NKAIN2: variants seen among roughly 807,000 people sequenced by gnomAD.
NKAIN2 encodes the protein sodium/potassium transporting ATPase interacting 2.
A neutral mutation model predicts 32.6 loss-of-function variants in NKAIN2; 14 were observed. The observed-to-expected ratio is 0.43, with a 90% CI of 0.28 to 0.67. The LOEUF (loss-of-function observed/expected upper bound fraction) is 0.67, where lower values mean the gene tolerates loss of function less well. NKAIN2 is among the 30% of genes least tolerant of loss of function. The probability of loss-of-function intolerance (pLI) is 0.17; values close to 1 mark genes in which losing one functional copy is unlikely to be tolerated. For missense variants in NKAIN2, 198 were observed against 258.3 expected (o/e 0.77, Z 1.60); for synonymous variants, 80 against 87.2 (o/e 0.92, Z 0.46).
At chr6:123,823,373 T>C (rs561034361) in intron 1 of NKAIN2, 61 of 152,232 alleles carry the variant, frequency 4.0e-4, no homozygotes, top group African/African-American at 1.4e-3. Flanking sequence ...TGTTGACAGA[T>C]GGGATAGTTT....
At chr6:124,480,190 A>AT (rs1198259763) in intron 3 of NKAIN2, among the ~76,000 whole-genome samples, 3 of 151,694 alleles carry the variant, frequency 2.0e-5, no homozygotes, top group East Asian at 1.9e-4. Context: ...ATTCTTTTTT[A>AT]TTTTTTTATT....
At chr6:123,829,531 C>T (rs998058845) in intron 1 of NKAIN2, among the ~76,000 whole-genome samples, 1 of 152,162 alleles carries the variant, frequency 6.6e-6, no homozygotes, top group African/African-American at 2.4e-5. Context: ...TAATTCTCAA[C>T]TTTACTTTGT....
intron 3 of NKAIN2, among the ~76,000 whole-genome samples, chr6:124,467,711 G>A (rs1776817638): frequency 6.6e-6 from 1 of 151,958 alleles, no homozygotes; most frequent in Non-Finnish European, 1.5e-5. Context: ...AATTATCTGT[G>A]ACAAACAAGT....
intron 3 of NKAIN2, among the ~76,000 whole-genome samples, chr6:124,478,448 C>T (rs975572198): frequency 6.6e-6 from 1 of 152,114 alleles, no homozygotes; most frequent in Admixed American, 6.5e-5. Flanking sequence ...AAACCTGGAG[C>T]ATCTGGTAGT....
At chr6:124,214,586 T>G (rs2114672406) in intron 1 of NKAIN2, among the ~76,000 whole-genome samples, 1 of 151,964 alleles carries the variant, frequency 6.6e-6, no homozygotes, top group Admixed American at 6.6e-5. Flanking sequence ...CTGTCTCTAC[T>G]AAAAATACAA....
In NKAIN2 at chr6:123,838,273, A is replaced by T. The variant is rs1190288752; in HGVS notation, c.54+34019A>T. 4.6e-5 allele frequency among the ~76,000 whole-genome samples: 7 copies of T among 152,214 alleles called. No homozygotes were observed. The East Asian group carries it at 1.4e-3, about 29-fold the overall frequency. ...TCCTTAAGTCAACCTTTTAGTTTCT[A>T]ATATACATGGAAACTTAACCGAAAG... On this transcript the variant is annotated intron_variant, in intron 1 of 6. Transcript: ENST00000368417.
At position 124,012,334 on chromosome 6, in the gene NKAIN2, A is replaced by ATTTT. The variant is rs36026416; in HGVS notation, c.54+208096_54+208099dup. Among the ~76,000 whole-genome samples the ATTTT allele has an allele frequency of 2.4e-5, 3 of 123,208 alleles. 1 individual carries two copies. The highest frequency in any genetic ancestry group is 3.3e-5 in the Non-Finnish European group (2 of 60,406). 80.8% of individuals were successfully genotyped at this position (123,208 alleles called of 152,430 possible). A position where few individuals can be genotyped will look rare whatever the true frequency, so the allele number is the denominator to read the frequency against. On this transcript the variant is annotated intron_variant, in intron 1 of 6. Coordinates refer to ENST00000368417, the MANE Select transcript of NKAIN2 (RefSeq NM_001040214.3). ...TGCATGGCTTCTTTCACTCTACATG[A>ATTTT]TTTTTTTTTTTTTTTTTTTGAGACA...
intron 1 of NKAIN2, among the ~76,000 whole-genome samples, chr6:124,222,730 A>T (rs996607690): frequency 6.6e-6 from 1 of 152,168 alleles, no homozygotes; most frequent in Non-Finnish European, 1.5e-5. Context: ...CCACATAAGT[A>T]AGGAATACTG....
intron 4 of NKAIN2, among the ~76,000 whole-genome samples, chr6:124,696,768 A>AT (rs140409570): frequency 0.22 from 31,212 of 138,870 alleles, 3,451 homozygotes; most frequent in Middle Eastern, 0.28. Context: ...AAAAGGATCT[A>AT]TTTTTTTTTT....
intron 3 of NKAIN2, among the ~76,000 whole-genome samples, chr6:124,638,062 G>A (rs1783838393): frequency 6.6e-6 from 1 of 152,076 alleles, no homozygotes; most frequent in Admixed American, 6.6e-5. Context: ...TCAAGAACTG[G>A]CACATAGACC....
chr6:124,559,793 C>G (rs541982222), intron 3 of NKAIN2, among the ~76,000 whole-genome samples: 2 of 147,404 alleles, frequency 1.4e-5, no homozygotes, highest in African/African-American at 5.0e-5. Context: ...GCCCCCTCAG[C>G]TAGGCAATGA....
intron 1 of NKAIN2, among the ~76,000 whole-genome samples, chr6:124,064,635 G>A (rs1441299647): frequency 1.3e-5 from 2 of 152,100 alleles, no homozygotes; most frequent in Non-Finnish European, 2.9e-5. Flanking sequence ...TTTTCTCAAG[G>A]TATCTGTATG....
intron 1 of NKAIN2, among the ~76,000 whole-genome samples, chr6:123,915,726 G>A (rs1274690996): frequency 6.6e-6 from 1 of 152,154 alleles, no homozygotes; most frequent in Non-Finnish European, 1.5e-5. Context: ...GATGTGAAAA[G>A]CACATGCACG....
intron 1 of NKAIN2, among the ~76,000 whole-genome samples, chr6:124,047,396 G>A (rs1782192469): frequency 6.6e-6 from 1 of 151,950 alleles, no homozygotes; most frequent in African/African-American, 2.4e-5. Flanking sequence ...TGCAAGGACA[G>A]TAAAATATAG....
chr6:124,314,927 G>A (rs1457374060), intron 2 of NKAIN2, among the ~76,000 whole-genome samples: 1 of 152,106 alleles, frequency 6.6e-6, no homozygotes, highest in African/African-American at 2.4e-5. Context: ...AGTGCCTGGT[G>A]CCTAGTATCA....
At chr6:123,831,818 G>T (rs1204724369) in intron 1 of NKAIN2, among the ~76,000 whole-genome samples, 1 of 151,910 alleles carries the variant, frequency 6.6e-6, no homozygotes, top group African/African-American at 2.4e-5. Context: ...ACCACGTCCT[G>T]CTAATTTTTG....
At chr6:124,485,123 G>T (rs1475682870) in intron 3 of NKAIN2, among the ~76,000 whole-genome samples, 1 of 152,118 alleles carries the variant, frequency 6.6e-6, no homozygotes, top group Non-Finnish European at 1.5e-5. Context: ...CTGTTGCTCT[G>T]GTTCTTGCTA....
rs188563932 is a variant in NKAIN2, at chr6:124,512,909, T to A, written c.274-145277T>A. Among the ~76,000 whole-genome samples the A allele has an allele frequency of 6.6e-5, 10 of 152,250 alleles. No individual in the cohort carries two copies. In the East Asian group the frequency reaches 1.9e-3, roughly 29 times the overall value. ...TCCAGACTTGTAAATCTACATGATG[T>A]TTAAAAATAGCAAGACATTATATAA... is the stretch of plus-strand genomic sequence containing the variant. On this transcript the variant is annotated intron_variant, in intron 3 of 6. Coordinates refer to ENST00000368417, the MANE Select transcript of NKAIN2 (RefSeq NM_001040214.3).
chr6:124,798,146 A>G (rs1780096786), intron 5 of NKAIN2, among the ~76,000 whole-genome samples: 1 of 151,780 alleles, frequency 6.6e-6, no homozygotes, highest in South Asian at 2.1e-4. Flanking sequence ...TTAGGGCCAT[A>G]TCATACATTC....
Sources: allele counts gnomAD v4.1 joint callset (sites outside exome capture counted in the v4.1 genomes callset), GRCh38; gene constraint gnomAD v4.1.1; transcripts MANE v1.5; gene names NCBI Gene and HGNC (gene_info 2026-07-23, HGNC 2026-07-21).